Variants in DEPDC5 observed in about 807,000 individuals in gnomAD.
DEPDC5 encodes the protein DEP domain containing 5, GATOR1 subcomplex subunit.
DEPDC5 carries 73 observed loss-of-function variants against 217.3 expected under a neutral mutation model. The ratio of observed to expected loss-of-function variants is 0.34; its 90% CI spans 0.28 to 0.41. The LOEUF is 0.41. DEPDC5 is among the 10% of genes least tolerant of loss of function. The pLI is 1.00. For missense variants in DEPDC5, 1,675 were observed against 2,070.1 expected, an observed-to-expected ratio of 0.81 and a Z score of 3.70; for synonymous variants, 733 against 756.7, an observed-to-expected ratio of 0.97 and a Z score of 0.51.
At chr22:31,812,499 A>G (rs1253220041) in intron 20 of DEPDC5, among the ~76,000 whole-genome samples, 1 of 134,030 alleles carries the variant, frequency 7.5e-6, no homozygotes, top group African/African-American at 2.9e-5. Context: ...ATCTCGGCTC[A>G]CTGCAAGCTC....
At chr22:31,900,935 T>A (rs186137703) in intron 40 of DEPDC5, among the ~76,000 whole-genome samples, 1 of 150,646 alleles carries the variant, frequency 6.6e-6, no homozygotes, top group African/African-American at 2.4e-5. Context: ...AAATTAAAAA[T>A]TTTTAAAAAT....
intron 15 of DEPDC5, among the ~76,000 whole-genome samples, chr22:31,803,743 C>CA (rs112879884): frequency 0.02 from 2,854 of 140,630 alleles, 90 homozygotes; most frequent in African/African-American, 0.071. Flanking sequence ...GCAAGACTGT[C>CA]AAAAAAAAAA....
intron 30 of DEPDC5, 24 bp from the exon 31 acceptor site, chr22:31,846,810 C>G: frequency 6.2e-7 from 1 of 1,614,160 alleles, no homozygotes; most frequent in Non-Finnish European, 8.5e-7. Flanking sequence ...GGCTGATGGC[C>G]TTGTCTCCTC....
intron 10 of DEPDC5, among the ~76,000 whole-genome samples, chr22:31,787,584 A>G (rs2085136441): frequency 6.6e-6 from 1 of 152,192 alleles, no homozygotes; most frequent in Non-Finnish European, 1.5e-5. Flanking sequence ...AGGTGGGAGA[A>G]TCGTGTGAAG....
intron 15 of DEPDC5, among the ~76,000 whole-genome samples, chr22:31,803,083 G>A (rs1237730034): frequency 6.6e-6 from 1 of 152,130 alleles, no homozygotes. Flanking sequence ...TTTTTAATAT[G>A]TTAGTGTAGG....
At chr22:31,896,514 T>C (rs911764309) in intron 39 of DEPDC5, among the ~76,000 whole-genome samples, 2 of 148,934 alleles carry the variant, frequency 1.3e-5, no homozygotes, top group African/African-American at 5.0e-5. Flanking sequence ...CAGAACCACA[T>C]CGATCAACCT....
chr22:31,778,149 A>G lies in DEPDC5; in HGVS notation c.464A>G (p.Tyr155Cys). 7 of 1,614,200 alleles carry G rather than the reference A, an allele frequency of 4.3e-6. No homozygotes were observed. Among genetic ancestry groups the G allele is most frequent in the Non-Finnish European group, 5.9e-6 (7 of 1,180,012 alleles). ...AAGAATGAGAAGGTCATGTGTGGCT[A>G]CATCAGTGAAGATACCAGGGTAAGA... ...WVKNEKVMCG[Y>C]ISEDTRVVFR... is the part of the protein sequence containing the mutation. The change falls in exon 8 of 43, where the codon TAC becomes TGC. Residue 155 changes from tyrosine to cysteine, a missense_variant. This residue lies in a region of DEPDC5 where 628 missense variants were observed against 762.1 expected (regional missense o/e 0.82). Transcript: ENST00000651528.
At chr22:31,861,226 T>G in intron 32 of DEPDC5, 142 bp from the exon 33 acceptor site, 2 of 615,170 alleles carry the variant, frequency 3.3e-6, no homozygotes, top group Non-Finnish European at 5.8e-6. Context: ...TGTCCTTGTT[T>G]CTCTCCTTCC....
chr22:31,844,157 T>C (rs1340399158), intron 29 of DEPDC5, among the ~76,000 whole-genome samples: 1 of 151,684 alleles, frequency 6.6e-6, no homozygotes, highest in Non-Finnish European at 1.5e-5. Flanking sequence ...ACCCAGGAGG[T>C]GGAGGTTGCA....
intron 2 of DEPDC5, among the ~76,000 whole-genome samples, chr22:31,757,982 T>C (rs145351245): frequency 1.3e-5 from 2 of 152,262 alleles, no homozygotes; most frequent in African/African-American, 4.8e-5. Flanking sequence ...CAGGCTGGTC[T>C]TGAACTCCTG....
At chr22:31,782,710 C>T (rs755235772) in intron 8 of DEPDC5, among the ~76,000 whole-genome samples, 6 of 152,144 alleles carry the variant, frequency 3.9e-5, no homozygotes, top group African/African-American at 7.2e-5. Flanking sequence ...CATAACTTTC[C>T]TAGGTAGATT....
Position 31,874,345 on chromosome 22 carries a change from C to G in DEPDC5, c.3636C>G (p.His1212Gln), listed in dbSNP as rs2092933328. 1.9e-6 allele frequency: 3 copies of G among 1,611,682 alleles called. No homozygotes were observed. The highest frequency in any genetic ancestry group is 2.5e-6 in the Non-Finnish European group (3 of 1,179,026). ...PYCFISAEVV[H>Q]WLVNHVEGIQ... ...GCTTCATCAGCGCGGAGGTGGTACA[C>G]TGGTTGGTGAACCACGTGGAGGGGA... is the stretch of plus-strand genomic sequence containing the variant. Residue 1212 changes from histidine (H) to glutamine (Q), a missense_variant, in exon 36 of 43, where the codon CAC becomes CAG. This residue lies in a region of DEPDC5 where 194 missense variants were observed against 199.3 expected (regional missense o/e 0.97). Coordinates refer to ENST00000651528, the MANE Select transcript of DEPDC5 (RefSeq NM_001242896.3).
At chr22:31,889,816 G>A (rs2093401528) in intron 38 of DEPDC5, among the ~76,000 whole-genome samples, 1 of 152,132 alleles carries the variant, frequency 6.6e-6, no homozygotes, top group African/African-American at 2.4e-5. Flanking sequence ...GGGATTACAG[G>A]TGTGAGCCAC....
chr22:31,877,622 C>T (rs1351865881), intron 37 of DEPDC5, among the ~76,000 whole-genome samples: 14 of 148,618 alleles, frequency 9.4e-5, no homozygotes, highest in East Asian at 6.0e-4. Context: ...TGGTGGTGGC[C>T]GCCTGTAATC....
chr22:31,792,076 G>A lies in DEPDC5; in HGVS notation c.668G>A (p.Arg223Lys), dbSNP rs2085726516. 2 of 1,612,620 alleles carry A rather than the reference G, an allele frequency of 1.2e-6. No individual in the cohort carries two copies. Among genetic ancestry groups the A allele is most frequent in the East Asian group, 2.2e-5 (1 of 44,864 alleles). The change falls in exon 11 of 43, where the codon AGA becomes AAA. Residue 223 changes from arginine (R) to lysine (K), a missense_variant. By Grantham distance (26) the Arg-to-Lys change is conservative. This residue lies in a region of DEPDC5 where 628 missense variants were observed against 762.1 expected (regional missense o/e 0.82). Coordinates refer to ENST00000651528, the MANE Select transcript of DEPDC5 (RefSeq NM_001242896.3). Reference protein sequence around the residue: ...SHEVTVVLFSRTFYDAKSVDE... With the variant: ...SHEVTVVLFSKTFYDAKSVDE... ...GAAGTGACAGTGGTCCTGTTTTCTA[G>A]AACTTTCTATGATGCAAAATCTGTT... is the stretch of plus-strand genomic sequence containing the variant.
rs940793167 is a variant in DEPDC5, at chr22:31,873,072, A to T, written c.3486-183A>T. On this transcript the variant is annotated intron_variant, in intron 34 of 42. Coordinates refer to ENST00000651528, the MANE Select transcript of DEPDC5 (RefSeq NM_001242896.3). ...ACCCGGCCCTAAATGTGTATATTTT[A>T]AAATAGGAAACCCCCTATGAGATAA... is the stretch of plus-strand genomic sequence containing the variant. 8.1e-6 allele frequency: 10 copies of T among 1,241,544 alleles called. No individual in the cohort carries two copies. In the African/African-American group the frequency reaches 1.1e-4, roughly 13 times the overall value. 76.9% of individuals were successfully genotyped at this position (1,241,544 alleles called of 1,614,324 possible).
chr22:31,774,865 A>G (rs2083681197), intron 7 of DEPDC5, among the ~76,000 whole-genome samples: 1 of 151,108 alleles, frequency 6.6e-6, no homozygotes, highest in African/African-American at 2.4e-5. Context: ...CTCGTGATCC[A>G]CCCACCTCGG....
chr22:31,898,573 TA>T (rs1182204579), intron 40 of DEPDC5, among the ~76,000 whole-genome samples: 1 of 152,178 alleles, frequency 6.6e-6, no homozygotes, highest in African/African-American at 2.4e-5. Context: ...TGTCCCCTTG[TA>T]AGTCTGTGTC....
Position 31,845,112 on chromosome 22 carries a change from T to A in DEPDC5, c.2896T>A (p.Cys966Ser), listed in dbSNP as rs2091648751. Residue 966 changes from cysteine (C) to serine (S), a missense_variant, in exon 30 of 43, where the codon TGC (cysteine) becomes AGC (serine). Physicochemically the swap from Cys to Ser is moderately radical, Grantham distance 112. Around this residue, in one of 11 missense-constraint regions of DEPDC5, gnomAD observed 293 missense variants for 386.1 expected, o/e 0.76. Coordinates refer to ENST00000651528, the MANE Select transcript of DEPDC5 (RefSeq NM_001242896.3). ...GCGCATCACGGAGGGGGAGGCCCAC[T>A]GCGACATCTATGGGGACAGGCCCCG... ...TKRITEGEAH[C>S]DIYGDRPRAD... 4 of 1,614,064 alleles carry A rather than the reference T, an allele frequency of 2.5e-6. No homozygotes were observed. The highest frequency in any genetic ancestry group is 3.4e-6 in the Non-Finnish European group (4 of 1,180,026).
Sources: allele counts gnomAD v4.1 joint callset (sites outside exome capture counted in the v4.1 genomes callset), GRCh38; gene constraint gnomAD v4.1.1; regional missense constraint gnomAD v4.1.1; transcripts MANE v1.5; gene names NCBI Gene and HGNC (gene_info 2026-07-23, HGNC 2026-07-21).